Variants in RERE observed in about 807,000 individuals in gnomAD.
The protein encoded by RERE is arginine-glutamic acid dipeptide repeats protein.
In RERE, 40 loss-of-function variants were observed where a neutral mutation model predicts 146.1. The observed-to-expected ratio is 0.27, with a 90% CI of 0.21 to 0.36. The LOEUF (loss-of-function observed/expected upper bound fraction) is 0.36. Among genes scored for constraint, RERE ranks in the 10% least tolerant of loss-of-function variants. The pLI is 1.00. For missense variants in RERE, 1,933 were observed against 2,138.7 expected (o/e 0.90, Z 1.90); for synonymous variants, 1,003 against 866.0 (o/e 1.16, Z -2.78).
At chr1:8,779,296 G>T (rs1641123541) in intron 1 of RERE, among the ~76,000 whole-genome samples, 1 of 151,118 alleles carries the variant, frequency 6.6e-6, no homozygotes, top group African/African-American at 2.4e-5. Context: ...GGGAGGCCGA[G>T]GTGGGCAGAT....
intron 10 of RERE, among the ~76,000 whole-genome samples, chr1:8,490,355 A>AGAAAAG (rs200808507): frequency 1.3e-5 from 2 of 148,328 alleles, no homozygotes; most frequent in African/African-American, 5.2e-5. Flanking sequence ...AAAAAAAAAA[A>AGAAAAG]AAAAGAAAAG....
At chr1:8,532,483 C>T (rs1381324708) in intron 7 of RERE, among the ~76,000 whole-genome samples, 1 of 152,218 alleles carries the variant, frequency 6.6e-6, no homozygotes, top group East Asian at 1.9e-4. Context: ...TGCAATGGCA[C>T]AATCTTGGAT....
intron 1 of RERE, among the ~76,000 whole-genome samples, chr1:8,755,443 T>G (rs552231405): frequency 6.6e-6 from 1 of 152,336 alleles, no homozygotes; most frequent in Non-Finnish European, 1.5e-5. Flanking sequence ...GTTTTGTAGA[T>G]CTGTTGTTTA....
intron 4 of RERE, among the ~76,000 whole-genome samples, chr1:8,601,284 C>G (rs1049478321): frequency 6.6e-5 from 10 of 152,014 alleles, no homozygotes; most frequent in Non-Finnish European, 1.5e-4. Context: ...TCCCAAAGTG[C>G]TGGGATTACA....
At chr1:8,438,068 G>C (rs929836403) in intron 11 of RERE, among the ~76,000 whole-genome samples, 11 of 152,210 alleles carry the variant, frequency 7.2e-5, no homozygotes, top group African/African-American at 2.4e-4. Flanking sequence ...GTAACGTGGA[G>C]CTTCCGGGCT....
At chr1:8,815,595 C>T (rs1353750781) in intron 1 of RERE, among the ~76,000 whole-genome samples, 2 of 152,182 alleles carry the variant, frequency 1.3e-5, no homozygotes, top group South Asian at 2.1e-4. Flanking sequence ...AGTCTCTGAA[C>T]ATGTTTTTGA....
chr1:8,508,852 C>T (rs1348846497), intron 7 of RERE, among the ~76,000 whole-genome samples, 177 bp from the exon 8 acceptor site: 1 of 152,214 alleles, frequency 6.6e-6, no homozygotes, highest in Non-Finnish European at 1.5e-5. Context: ...ACACATGCAC[C>T]TCTAAAACCT....
chr1:8,387,491 T>A (rs775842673), intron 12 of RERE, among the ~76,000 whole-genome samples: 17 of 152,200 alleles, frequency 1.1e-4, no homozygotes, highest in Non-Finnish European at 1.6e-4. Context: ...ATTAACAACA[T>A]ATTAATCTTT....
intron 1 of RERE, among the ~76,000 whole-genome samples, chr1:8,666,487 A>T (rs1638577096): frequency 6.6e-6 from 1 of 152,210 alleles, no homozygotes; most frequent in Non-Finnish European, 1.5e-5. Context: ...CAGGCACCCT[A>T]CAGCTGGGCG....
chr1:8,365,437 C>G (rs902357), intron 13 of RERE, among the ~76,000 whole-genome samples: 1 of 152,138 alleles, frequency 6.6e-6, no homozygotes, highest in African/African-American at 2.4e-5. Context: ...GATCTTCTTA[C>G]AACCAAAAGT....
intron 4 of RERE, among the ~76,000 whole-genome samples, chr1:8,564,545 A>G (rs1646118350): frequency 6.6e-6 from 1 of 152,210 alleles, no homozygotes; most frequent in Non-Finnish European, 1.5e-5. Flanking sequence ...ACACAGGTAA[A>G]TCAAAACTAA....
chr1:8,582,779 G>A (rs9988404), intron 4 of RERE, among the ~76,000 whole-genome samples: 3,985 of 152,050 alleles, frequency 0.026, 155 homozygotes, highest in African/African-American at 0.091. Context: ...CACTGATACC[G>A]GGCAGGGGTA....
intron 4 of RERE, among the ~76,000 whole-genome samples, chr1:8,610,010 C>T (rs1053420062): frequency 9.9e-5 from 15 of 152,040 alleles, no homozygotes; most frequent in African/African-American, 3.6e-4. Flanking sequence ...CTCAAGTGAC[C>T]GAACCGCCCC....
In RERE at chr1:8,376,198, C is replaced by T. The variant is rs978057533; in HGVS notation, c.1285-10224G>A. ...TTTAAGTGAGGGGGGCAAATTTGGGCTATCTTTGATCTCTGGAATCTCTGG... is the reference window on the plus strand; with the variant it reads ...TTTAAGTGAGGGGGGCAAATTTGGGTTATCTTTGATCTCTGGAATCTCTGG... On this transcript the variant is annotated intron_variant, in intron 12 of 22. Transcript: ENST00000400908. 3.3e-5 allele frequency among the ~76,000 whole-genome samples: 5 copies of T among 152,150 alleles called. No individual in the cohort carries two copies. The South Asian group carries it at 1.0e-3, about 31-fold the overall frequency.
intron 1 of RERE, among the ~76,000 whole-genome samples, chr1:8,711,873 TTTA>T (rs1235362297): frequency 6.6e-6 from 1 of 152,216 alleles, no homozygotes; most frequent in East Asian, 1.9e-4. Flanking sequence ...AATTTTGCCC[TTTA>T]TTATTATTAG....
intron 6 of RERE, among the ~76,000 whole-genome samples, chr1:8,552,925 C>A (rs1645954498): frequency 1.3e-5 from 2 of 151,858 alleles, no homozygotes; most frequent in Non-Finnish European, 2.9e-5. Context: ...TGCGTTCACA[C>A]ACACGTGACA....
At chr1:8,450,815 C>G (rs762643802) in intron 11 of RERE, among the ~76,000 whole-genome samples, 2 of 152,206 alleles carry the variant, frequency 1.3e-5, no homozygotes, top group Non-Finnish European at 2.9e-5. Flanking sequence ...ACCAAAGTCT[C>G]TTCCTAGCTA....
chr1:8,503,127 T>TAAATAAATAAAA (rs1553176592), intron 8 of RERE, among the ~76,000 whole-genome samples: 12 of 143,782 alleles, frequency 8.3e-5, no homozygotes, highest in South Asian at 4.6e-4. Flanking sequence ...AATAAATAAA[T>TAAATAAATAAAA]AAAAAAGAAT....
intron 1 of RERE, among the ~76,000 whole-genome samples, chr1:8,659,569 A>G (rs1638408588): frequency 6.6e-6 from 1 of 152,248 alleles, no homozygotes; most frequent in African/African-American, 2.4e-5. Context: ...AATAAAAAAC[A>G]AACAAAAAAC....
Sources: allele counts gnomAD v4.1 joint callset (sites outside exome capture counted in the v4.1 genomes callset), GRCh38; gene constraint gnomAD v4.1.1; transcripts MANE v1.5; gene names NCBI Gene and HGNC (gene_info 2026-07-23, HGNC 2026-07-21).